SORCS2: variants seen among roughly 807,000 people sequenced by gnomAD.
SORCS2 encodes the protein sortilin related VPS10 domain containing receptor 2, also known as VPS10 domain-containing receptor SorCS2.
In SORCS2, 100 loss-of-function variants were observed where a neutral mutation model predicts 141.6. That is an observed-to-expected ratio of 0.71 (90% CI 0.60 to 0.83). SORCS2 has a LOEUF of 0.83. SORCS2 is among the 40% of genes least tolerant of loss of function. SORCS2 has a pLI of 0.00. For missense variants in SORCS2, 1,646 were observed against 1,560.2 expected (o/e 1.05, Z -0.93); for synonymous variants, 789 against 676.9 (o/e 1.17, Z -2.57).
Position 7,664,382 on chromosome 4 carries a change from A to T in SORCS2, c.982A>T (p.Asn328Tyr). 6.2e-7 allele frequency: 1 copy of T among 1,613,674 alleles called. No homozygotes were observed. Among genetic ancestry groups the T allele is most frequent in the Non-Finnish European group, 8.5e-7 (1 of 1,179,808 alleles). The change falls in exon 7 of 27, where the codon AAT (asparagine) becomes TAT (tyrosine). Residue 328 changes from asparagine to tyrosine, a missense_variant. Transcript: ENST00000507866. This position sits in a 1 kb window ranked among gnomAD's most constrained non-coding sequence, Gnocchi z 4.7. The stretch of plus-strand genomic sequence containing the variant: ...TCGGTACGTCACCTGCGCAATCCAC[A>T]ATTGCTCCGAGAAGATGCTGACAGC... ...DFRYVTCAIH[N>Y]CSEKMLTAPF...
At chr4:7,525,109 C>T (rs1241140735) in intron 2 of SORCS2, among the ~76,000 whole-genome samples, 2 of 152,222 alleles carry the variant, frequency 1.3e-5, no homozygotes, top group African/African-American at 2.4e-5. Flanking sequence ...CATTAGATAT[C>T]ATCATGGCTG....
intron 14 of SORCS2, among the ~76,000 whole-genome samples, chr4:7,705,739 G>A (rs1403251636): frequency 1.3e-5 from 2 of 152,262 alleles, no homozygotes; most frequent in African/African-American, 4.8e-5. Flanking sequence ...CCTTCCAGCT[G>A]GCAATGGGCC....
chr4:7,646,073 A>C (rs1560452667), intron 4 of SORCS2, among the ~76,000 whole-genome samples: 1 of 152,236 alleles, frequency 6.6e-6, no homozygotes, highest in Non-Finnish European at 1.5e-5. Context: ...CCCGGCAGCC[A>C]CGGATTCCGG....
In SORCS2 at chr4:7,260,423, T is replaced by C. The variant is rs191427154; in HGVS notation, c.480+67297T>C. Among the ~76,000 whole-genome samples the C allele has an allele frequency of 2.0e-5, 3 of 152,302 alleles. No homozygotes were observed. In the East Asian group the frequency reaches 5.8e-4, roughly 29 times the overall value. On this transcript the variant is annotated intron_variant, in intron 1 of 26. Coordinates refer to ENST00000507866, the MANE Select transcript of SORCS2 (RefSeq NM_020777.3). The stretch of plus-strand genomic sequence containing the variant: ...AATGTTGAGCAACAAATTGCTATGA[T>C]TGATCCATCAATGGATTGACTGATG...
chr4:7,542,586 C>A (rs980917341), intron 3 of SORCS2, among the ~76,000 whole-genome samples: 1 of 152,172 alleles, frequency 6.6e-6, no homozygotes, highest in Non-Finnish European at 1.5e-5. Flanking sequence ...TCTCCCAGAG[C>A]CTTCGGGAAG....
At chr4:7,386,607 C>T (rs1723353026) in intron 1 of SORCS2, among the ~76,000 whole-genome samples, 1 of 149,368 alleles carries the variant, frequency 6.7e-6, no homozygotes, top group Non-Finnish European at 1.5e-5. Flanking sequence ...CACACGCACA[C>T]ATATGCCCAC....
intron 3 of SORCS2, among the ~76,000 whole-genome samples, chr4:7,537,727 G>C (rs1712244709): frequency 1.3e-5 from 2 of 152,170 alleles, no homozygotes; most frequent in Non-Finnish European, 2.9e-5. Context: ...GAAAAGGGCG[G>C]CCGGATGCAG....
intron 1 of SORCS2, among the ~76,000 whole-genome samples, chr4:7,258,740 T>G (rs1417628898): frequency 2.6e-5 from 4 of 152,266 alleles, no homozygotes; most frequent in Non-Finnish European, 5.9e-5. Flanking sequence ...CCACAATGGT[T>G]GAACTAATTT....
At chr4:7,668,466 G>A (rs1722623826) in intron 8 of SORCS2, among the ~76,000 whole-genome samples, 1 of 152,166 alleles carries the variant, frequency 6.6e-6, no homozygotes, top group Admixed American at 6.5e-5. Context: ...CTGAGGTAGA[G>A]AGTGAGAGTG....
At chr4:7,492,117 C>G (rs1225924116) in intron 2 of SORCS2, among the ~76,000 whole-genome samples, 1 of 152,236 alleles carries the variant, frequency 6.6e-6, no homozygotes, top group Non-Finnish European at 1.5e-5. Context: ...TCTCAAGAGA[C>G]AGGTGCACGC....
At position 7,648,819 on chromosome 4, in the gene SORCS2, T is replaced by G. The variant is rs1258076529; in HGVS notation, c.814-5315T>G. ...AGTGCCGTGGTAGAGGAAGAGAGGC[T>G]AGAAACCAGGGACAGGTGCCAGGGC... On this transcript the variant is annotated intron_variant, in intron 4 of 26. Coordinates refer to ENST00000507866, the MANE Select transcript of SORCS2 (RefSeq NM_020777.3). This position sits in a 1 kb window ranked among gnomAD's most constrained non-coding sequence, Gnocchi z 4.2. 2.6e-5 allele frequency among the ~76,000 whole-genome samples: 4 copies of G among 151,846 alleles called. No individual in the cohort carries two copies. The highest frequency in any genetic ancestry group is 5.9e-5 in the Non-Finnish European group (4 of 67,932).
intron 1 of SORCS2, among the ~76,000 whole-genome samples, chr4:7,251,161 T>C (rs551623527): frequency 6.6e-6 from 1 of 152,342 alleles, no homozygotes; most frequent in African/African-American, 2.4e-5. Context: ...GAGGACTATA[T>C]ATGACTTTGC....
intron 2 of SORCS2, among the ~76,000 whole-genome samples, chr4:7,503,109 A>G (rs1732072434): frequency 6.6e-6 from 1 of 152,188 alleles, no homozygotes. Context: ...TCTGGGGAAT[A>G]TATATCAGAG....
chr4:7,533,551 C>G (rs933504963), intron 3 of SORCS2, among the ~76,000 whole-genome samples: 9 of 152,228 alleles, frequency 5.9e-5, no homozygotes, highest in Non-Finnish European at 1.2e-4. Context: ...CCGCTCCTGT[C>G]TTTCTGGTCA....
At chr4:7,736,691 G>A (rs545001405) in intron 25 of SORCS2, among the ~76,000 whole-genome samples, 1 of 152,300 alleles carries the variant, frequency 6.6e-6, no homozygotes, top group East Asian at 1.9e-4. Context: ...TGCCTCCTGC[G>A]GGAATGTGTG....
intron 3 of SORCS2, among the ~76,000 whole-genome samples, chr4:7,602,283 G>A (rs1717752161): frequency 6.6e-6 from 1 of 151,912 alleles, no homozygotes; most frequent in South Asian, 2.1e-4. Context: ...CGGACGGGGT[G>A]GCTGGCCGGG....
chr4:7,232,538 C>A (rs1011135841), intron 1 of SORCS2, among the ~76,000 whole-genome samples: 1 of 152,212 alleles, frequency 6.6e-6, no homozygotes, highest in African/African-American at 2.4e-5. Context: ...GACCCAAGCT[C>A]TTAATTCGCT....
chr4:7,257,210 C>G (rs112558797), intron 1 of SORCS2, among the ~76,000 whole-genome samples: 13 of 152,072 alleles, frequency 8.5e-5, no homozygotes, highest in African/African-American at 2.4e-4. Flanking sequence ...GGTGGCCTCT[C>G]CAGGCCTCTG....
intron 1 of SORCS2, among the ~76,000 whole-genome samples, chr4:7,388,660 A>G (rs1723645763): frequency 6.6e-6 from 1 of 152,094 alleles, no homozygotes; most frequent in Non-Finnish European, 1.5e-5. Flanking sequence ...TTAAATTGAG[A>G]TAAAATTCAT....
Sources: gnomAD v4.1 joint callset for allele counts (sites outside exome capture counted in the v4.1 genomes callset) on GRCh38, gnomAD v4.1.1 for gene constraint, Gnocchi (gnomAD v3.1) non-coding constraint, MANE v1.5 for transcripts, NCBI Gene and HGNC (gene_info 2026-07-23, HGNC 2026-07-21) for gene names.